The following SH3KBP1 variants were observed in gnomAD, a reference collection of about 807,000 sequenced individuals.
The protein encoded by SH3KBP1 is SH3 domain containing kinase binding protein 1.
In SH3KBP1, 8 loss-of-function variants were observed where a neutral mutation model predicts 50.1. That is an observed-to-expected ratio of 0.16 (90% CI 0.09 to 0.29). The LOEUF (loss-of-function observed/expected upper bound fraction) is 0.29. SH3KBP1 is among the 10% of genes least tolerant of loss of function. The probability of loss-of-function intolerance (pLI) is 1.00; values close to 1 mark genes in which losing one functional copy is unlikely to be tolerated. For missense variants in SH3KBP1, 377 were observed against 535.2 expected, an observed-to-expected ratio of 0.70 and a Z score of 2.92; for synonymous variants, 227 against 218.6, an observed-to-expected ratio of 1.04 and a Z score of -0.34.
At chrX:19,605,511 G>A (rs994762142) in intron 9 of SH3KBP1, among the ~76,000 whole-genome samples, 3 of 111,714 alleles carry the variant, frequency 2.7e-5, no homozygotes, top group African/African-American at 9.8e-5. Context: ...GCGCCCAAAT[G>A]CTTCAGGATG....
intron 2 of SH3KBP1, among the ~76,000 whole-genome samples, chrX:19,773,742 G>A (rs1193872725): frequency 9.4e-6 from 1 of 105,993 alleles, no homozygotes; most frequent in Non-Finnish European, 1.9e-5. Flanking sequence ...TGTAGTCCCA[G>A]CTACTTGGGA....
At chrX:19,840,237 T>G (rs1377077944) in intron 1 of SH3KBP1, among the ~76,000 whole-genome samples, 2 of 111,898 alleles carry the variant, frequency 1.8e-5, no homozygotes, top group Non-Finnish European at 3.8e-5. Context: ...AGAACTTTGA[T>G]GTCCAATACA....
chrX:19,683,031 C>T (rs1437846635), intron 6 of SH3KBP1, among the ~76,000 whole-genome samples: 2 of 111,749 alleles, frequency 1.8e-5, no homozygotes, highest in African/African-American at 6.5e-5. Flanking sequence ...AGCACTAAAT[C>T]GAATTAACAA....
chrX:19,762,440 G>A (rs191579015), intron 2 of SH3KBP1, among the ~76,000 whole-genome samples: 75 of 110,150 alleles, frequency 6.8e-4, no homozygotes, highest in African/African-American at 2.4e-3. Context: ...TACTAGATCA[G>A]CTGACACCAT....
intron 2 of SH3KBP1, among the ~76,000 whole-genome samples, chrX:19,795,728 G>C (rs775765131): frequency 1.8e-5 from 2 of 111,676 alleles, no homozygotes; most frequent in Non-Finnish European, 3.8e-5. Context: ...AAACTGAGGG[G>C]CTATCAGTTT....
intron 1 of SH3KBP1, among the ~76,000 whole-genome samples, chrX:19,882,255 C>T (rs750056295): frequency 1.3e-4 from 14 of 110,924 alleles, no homozygotes; most frequent in Non-Finnish European, 1.9e-4. Flanking sequence ...AACATTCCCT[C>T]CCCGCCCCCA....
chrX:19,776,532 GTTTTT>G lies in SH3KBP1; in HGVS notation c.163-30096_163-30092del, dbSNP rs72090569. Among the ~76,000 whole-genome samples, 55 of 25,673 alleles carry G rather than the reference GTTTTT, an allele frequency of 2.1e-3. 1 individual carries two copies. The Admixed American group carries it at 0.025, about 12-fold the overall frequency. 22.3% of individuals were successfully genotyped at this position (25,673 alleles called of 115,157 possible). A position where few individuals can be genotyped will look rare whatever the true frequency, so the allele number is the denominator to read the frequency against. On this transcript the variant is annotated intron_variant, in intron 2 of 17. Transcript: ENST00000397821. ...ATTCTAAATCTAGCTTGACAACCTG[GTTTTT>G]TTTTTTTTTTTTTTTTTTTTTTTAG... is the stretch of plus-strand genomic sequence containing the variant.
chrX:19,848,167 C>T (rs535731909), intron 1 of SH3KBP1, among the ~76,000 whole-genome samples: 2 of 111,750 alleles, frequency 1.8e-5, no homozygotes, highest in Admixed American at 1.9e-4. Flanking sequence ...CTCCAAATAC[C>T]GTTTTTCACA....
At chrX:19,799,493 G>C in intron 2 of SH3KBP1, 1 of 586,927 alleles carries the variant, frequency 1.7e-6, no homozygotes, top group Non-Finnish European at 2.9e-6. Context: ...GTGGAAAACA[G>C]TGTTGGTCAC....
chrX:19,743,641 G>T (rs1285655481), intron 3 of SH3KBP1, among the ~76,000 whole-genome samples: 1 of 111,504 alleles, frequency 9.0e-6, no homozygotes, highest in African/African-American at 3.3e-5. Flanking sequence ...CCTTATGCAG[G>T]TGTCTGGGGA....
intron 9 of SH3KBP1, among the ~76,000 whole-genome samples, chrX:19,599,929 CG>C (rs1209058162): frequency 1.8e-5 from 2 of 108,965 alleles, no homozygotes; most frequent in African/African-American, 6.7e-5. Context: ...GGGCAGATCA[CG>C]AGGTCAGGAG....
chrX:19,886,510 G>A (rs1183201492), intron 1 of SH3KBP1, among the ~76,000 whole-genome samples: 3 of 111,734 alleles, frequency 2.7e-5, no homozygotes, highest in Non-Finnish European at 5.7e-5. Flanking sequence ...CAATGCTCCG[G>A]GGTCTAAATC....
chrX:19,705,688 T>A lies in SH3KBP1; in HGVS notation c.390+1193A>T, dbSNP rs150360379. 2.8e-3 allele frequency among the ~76,000 whole-genome samples: 314 copies of A among 111,560 alleles called. 1 individual carries two copies. Among genetic ancestry groups the A allele is most frequent in the Non-Finnish European group, 5.3e-3 (284 of 53,096 alleles). Reference sequence around the variant, plus strand: ...CTCTGCTTGGCACACTATGTACTATTTATGAGGCTAGTTTACAACTCTGTT... The same window carrying A: ...CTCTGCTTGGCACACTATGTACTATATATGAGGCTAGTTTACAACTCTGTT... On this transcript the variant is annotated intron_variant, in intron 4 of 17. Coordinates refer to ENST00000397821, the MANE Select transcript of SH3KBP1 (RefSeq NM_031892.3).
chrX:19,818,235 T>C (rs1394363141), intron 2 of SH3KBP1, among the ~76,000 whole-genome samples: 3 of 112,334 alleles, frequency 2.7e-5, no homozygotes, highest in African/African-American at 6.5e-5. Flanking sequence ...AGTTTCCATA[T>C]GTTCATTGCT....
intron 9 of SH3KBP1, among the ~76,000 whole-genome samples, chrX:19,605,064 A>C (rs753075295): frequency 4.0e-4 from 45 of 111,151 alleles, no homozygotes; most frequent in Non-Finnish European, 5.7e-4. Context: ...ATCACTGACA[A>C]CTTCACTCTC....
chrX:19,578,847 A>G (rs181873612), intron 12 of SH3KBP1, among the ~76,000 whole-genome samples: 8 of 111,832 alleles, frequency 7.2e-5, no homozygotes, highest in Non-Finnish European at 5.6e-5. Flanking sequence ...GAGTATCAGT[A>G]ATCCCAGTTT....
intron 6 of SH3KBP1, chrX:19,648,183 G>T (rs2062031857): frequency 3.1e-6 from 1 of 319,675 alleles, no homozygotes; most frequent in Non-Finnish European, 6.0e-6. Context: ...ATCAGACAAT[G>T]TGACAACATT....
chrX:19,620,711 G>A (rs1339345107), intron 8 of SH3KBP1, among the ~76,000 whole-genome samples: 2 of 111,815 alleles, frequency 1.8e-5, no homozygotes, highest in Admixed American at 9.5e-5. Context: ...TGAAACCAAG[G>A]TCCTTCAAAT....
intron 16 of SH3KBP1, among the ~76,000 whole-genome samples, chrX:19,538,805 C>T (rs1270767834): frequency 1.8e-5 from 2 of 110,254 alleles, no homozygotes; most frequent in Admixed American, 9.6e-5. Context: ...CAGGCTGGTC[C>T]CGAACCCCTC....
Sources: allele counts gnomAD v4.1 joint callset (sites outside exome capture counted in the v4.1 genomes callset), GRCh38; gene constraint gnomAD v4.1.1; transcripts MANE v1.5; gene names NCBI Gene and HGNC (gene_info 2026-07-23, HGNC 2026-07-21).